ASNS: variants seen among roughly 807,000 people sequenced by gnomAD.
The protein encoded by ASNS is asparagine synthetase (glutamine-hydrolyzing).
Under a neutral mutation model 62.6 loss-of-function variants are expected in ASNS, and 37 were observed. The ratio of observed to expected loss-of-function variants is 0.59; its 90% confidence interval spans 0.45 to 0.78. The LOEUF is 0.78. ASNS is among the 30% of genes least tolerant of loss of function. The pLI is 0.00. For missense variants in ASNS, 520 were observed against 682.4 expected (o/e 0.76, Z 2.65); for synonymous variants, 207 against 237.9 (o/e 0.87, Z 1.19).
the ASNS span, chr7:97,898,205 A>G: frequency 3.6e-6 from 1 of 276,848 alleles, no homozygotes; most frequent in East Asian, 1.5e-4. Context: ...AGTGATTCTC[A>G]TGCCTCAGCC....
the ASNS span, among the ~76,000 whole-genome samples, chr7:97,913,608 T>C: frequency 2.6e-5 from 4 of 152,076 alleles, no homozygotes; most frequent in East Asian, 7.8e-4. Context: ...AAGCTATTAA[T>C]AGCCAATTTT....
At chr7:97,858,983 C>T in intron 5 of ASNS, 28 bp from the exon 6 acceptor site, 1 of 1,577,574 alleles carries the variant, frequency 6.3e-7, no homozygotes, top group African/African-American at 1.4e-5. Flanking sequence ...AATCAAACAG[C>T]TCCAGAAAAT....
the ASNS span, chr7:97,928,181 C>A: frequency 6.5e-7 from 1 of 1,530,568 alleles, no homozygotes; most frequent in Non-Finnish European, 8.7e-7. Flanking sequence ...CGCTTCCCCC[C>A]TCCAGCAAGA....
chr7:97,923,098 A>G, the ASNS span, among the ~76,000 whole-genome samples: 5 of 152,204 alleles, frequency 3.3e-5, no homozygotes, highest in East Asian at 3.9e-4. Flanking sequence ...ACAGAATATA[A>G]AAGATTGTTT....
chr7:97,889,301 G>A, the ASNS span, among the ~76,000 whole-genome samples: 1 of 152,164 alleles, frequency 6.6e-6, no homozygotes, highest in Non-Finnish European at 1.5e-5. Context: ...GGTAGATCAC[G>A]AGGTCAGGAG....
chr7:97,882,936 T>G, the ASNS span, among the ~76,000 whole-genome samples: 2 of 152,212 alleles, frequency 1.3e-5, no homozygotes, highest in East Asian at 1.9e-4. Flanking sequence ...ACAGAGGCAC[T>G]CCTCAACTTT....
chr7:97,928,291 G>A, the ASNS span: 4 of 1,495,624 alleles, frequency 2.7e-6, no homozygotes, highest in African/African-American at 1.4e-5. Context: ...CTGCCGGAAG[G>A]GCTGGCCATG....
At chr7:97,917,418 C>T in the ASNS span, among the ~76,000 whole-genome samples, 3 of 152,208 alleles carry the variant, frequency 2.0e-5, no homozygotes, top group Non-Finnish European at 4.4e-5. Context: ...CACACTTGCA[C>T]ACTTCCCTGT....
chr7:97,883,130 G>A, the ASNS span, among the ~76,000 whole-genome samples: 5 of 152,068 alleles, frequency 3.3e-5, no homozygotes, highest in African/African-American at 1.2e-4. Flanking sequence ...CAGCAATCCA[G>A]ATTAATTTAA....
At chr7:97,876,739 A>G (rs1792446064), upstream of ASNS, among the ~76,000 whole-genome samples, 1 of 152,058 alleles carries the variant, frequency 6.6e-6, no homozygotes, top group Non-Finnish European at 1.5e-5. Context: ...AAATACTATT[A>G]TTAATTTTGG....
chr7:97,876,143 C>T (rs1183100797), upstream of ASNS, among the ~76,000 whole-genome samples: 4 of 152,106 alleles, frequency 2.6e-5, no homozygotes, highest in East Asian at 1.9e-4. Context: ...AGGCATGAGC[C>T]GCCGCACCCG....
the ASNS span, chr7:97,908,236 C>T: frequency 6.6e-6 from 1 of 152,100 alleles, no homozygotes; most frequent in African/African-American, 2.4e-5. Context: ...TCCCTAACTA[C>T]CTGAGGATCA....
the ASNS span, among the ~76,000 whole-genome samples, chr7:97,888,396 G>A: frequency 1.3e-5 from 2 of 151,508 alleles, no homozygotes; most frequent in African/African-American, 4.9e-5. Flanking sequence ...CTCTAAACAG[G>A]GTTGGCCAAC....
the ASNS span, among the ~76,000 whole-genome samples, chr7:97,889,287 G>A: frequency 2.0e-5 from 3 of 152,326 alleles, no homozygotes; most frequent in South Asian, 4.1e-4. Context: ...GAGAGGCCGA[G>A]GCGGGTAGAT....
At chr7:97,887,135 T>C in the ASNS span, among the ~76,000 whole-genome samples, 2 of 152,188 alleles carry the variant, frequency 1.3e-5, no homozygotes, top group Non-Finnish European at 1.5e-5. Flanking sequence ...TTTGTCAAAA[T>C]TGTTCAGAAA....
chr7:97,854,609 G>C lies in ASNS; in HGVS notation c.1209C>G (p.Leu403=), dbSNP rs1049677. The C allele has an allele frequency of 0.062, 100,489 of 1,614,022 alleles. 3,664 individuals are homozygous for C. Among genetic ancestry groups the C allele is most frequent in the Middle Eastern group, 0.084 (509 of 6,054 alleles). Residue 403 remains leucine, a synonymous_variant, in exon 10 of 13, where the codon CTC becomes CTG. Coordinates refer to ENST00000394308, the MANE Select transcript of ASNS (RefSeq NM_001673.5). ...LLRELYLFDV[L]RADRTTAAHG... is the part of the protein sequence containing the mutation. ...GGGCAGCAGTAGTTCGATCTGCGCG[G>C]AGAACATCAAACAAATAGAGTTCCC... is the stretch of plus-strand genomic sequence containing the variant.
rs76511863 is a variant in ASNS at position 97,857,638 on chromosome 7, C to A, written c.903+640G>T. On this transcript the variant is annotated intron_variant, in intron 7 of 12. Coordinates refer to ENST00000394308, the MANE Select transcript of ASNS (RefSeq NM_001673.5). ...GTTTAAAAAAAAAAAAAAAAAAAAACGAACAAAAAACCCGTTTTTTTAATT... is the reference window on the plus strand; with the variant it reads ...GTTTAAAAAAAAAAAAAAAAAAAAAAGAACAAAAAACCCGTTTTTTTAATT... Among the ~76,000 whole-genome samples the A allele has an allele frequency of 8.1e-4, 87 of 106,784 alleles. 1 individual carries two copies. The highest frequency in any genetic ancestry group is 2.3e-3 in the African/African-American group (58 of 25,016). 70.1% of individuals were successfully genotyped at this position (106,784 alleles called of 152,430 possible). A position where few individuals can be genotyped will look rare whatever the true frequency, so the allele number is the denominator to read the frequency against.
chr7:97,908,522 T>A, the ASNS span: 1 of 151,678 alleles, frequency 6.6e-6, no homozygotes, highest in Admixed American at 6.6e-5. Flanking sequence ...TGCCTCAGTC[T>A]CCCCCGTAGC....
the ASNS span, among the ~76,000 whole-genome samples, chr7:97,887,702 A>AC: frequency 6.6e-6 from 1 of 152,214 alleles, no homozygotes; most frequent in Non-Finnish European, 1.5e-5. Flanking sequence ...TCCTCAGCTG[A>AC]CCCATAGATC....
Sources: allele counts gnomAD v4.1 joint callset (sites outside exome capture counted in the v4.1 genomes callset), GRCh38; gene constraint gnomAD v4.1.1; transcripts MANE v1.5; gene names NCBI Gene and HGNC (gene_info 2026-07-23, HGNC 2026-07-21).